The following EHHADH variants were observed in gnomAD, a reference collection of about 807,000 sequenced individuals.
EHHADH encodes enoyl-CoA hydratase and 3-hydroxyacyl CoA dehydrogenase, also known as peroxisomal bifunctional enzyme.
Under a neutral mutation model 64.4 loss-of-function variants are expected in EHHADH, and 48 were observed. The ratio of observed to expected loss-of-function variants is 0.75; its 90% CI spans 0.59 to 0.95. The LOEUF (loss-of-function observed/expected upper bound fraction) is 0.95, where lower values mean the gene tolerates loss of function less well. Among genes scored for constraint, EHHADH ranks in the 40% least tolerant of loss-of-function variants. EHHADH has a pLI of 0.00. For synonymous variants in EHHADH, 308 were observed against 326.7 expected, an observed-to-expected ratio of 0.94 and a Z score of 0.62; for missense variants, 854 against 876.6, an observed-to-expected ratio of 0.97 and a Z score of 0.33.
intron 5 of EHHADH, among the ~76,000 whole-genome samples, chr3:185,205,625 C>T (rs781444770): frequency 4.6e-5 from 7 of 152,040 alleles, no homozygotes; most frequent in East Asian, 1.9e-4. Flanking sequence ...AACAAAGAAT[C>T]GGAGCAACAT....
At chr3:185,243,334 T>C (rs1180791178) in intron 2 of EHHADH, among the ~76,000 whole-genome samples, 1 of 152,250 alleles carries the variant, frequency 6.6e-6, no homozygotes, top group Non-Finnish European at 1.5e-5. Flanking sequence ...AGCCTCTGCA[T>C]GCTGCTCTGT....
At position 185,220,063 on chromosome 3, in the gene EHHADH, T is replaced by G. The variant is rs549855468; in HGVS notation, c.464-1823A>C. On this transcript the variant is annotated intron_variant, in intron 4 of 6. Transcript: ENST00000231887. ...GAGAGAGTGAATCAGCCTACCCAGG[T>G]TAAGGGAACCAAGCAAACACAAAAT... Among the ~76,000 whole-genome samples, 5 of 152,186 alleles carry G rather than the reference T, an allele frequency of 3.3e-5. No individual in the cohort carries two copies. In the East Asian group the frequency reaches 9.7e-4, roughly 29 times the overall value.
At chr3:185,208,668 C>T (rs1718461487) in intron 5 of EHHADH, among the ~76,000 whole-genome samples, 1 of 150,044 alleles carries the variant, frequency 6.7e-6, no homozygotes, top group Non-Finnish European at 1.5e-5. Context: ...AATTTCACTC[C>T]CAGGAATCTA....
At chr3:185,194,265 G>T (rs1035746864) in intron 6 of EHHADH, among the ~76,000 whole-genome samples, 1 of 152,100 alleles carries the variant, frequency 6.6e-6, no homozygotes, top group South Asian at 2.1e-4. Context: ...GGAACCAGGA[G>T]TTTGAGACCA....
chr3:185,205,868 TTGGCTAAAGGGTC>T (rs1398273554), intron 5 of EHHADH, among the ~76,000 whole-genome samples: 3 of 151,874 alleles, frequency 2.0e-5, no homozygotes, highest in South Asian at 2.1e-4. Flanking sequence ...TGGCAAGGGT[TTGGCTAAAGGGTC>T]TGGCTAAAGG....
intron 2 of EHHADH, chr3:185,245,952 C>G: frequency 6.7e-7 from 1 of 1,488,064 alleles, no homozygotes. Flanking sequence ...CCTGCCCAAG[C>G]AGGGCCTGTC....
intron 2 of EHHADH, chr3:185,245,760 A>G (rs985193522): frequency 1.1e-5 from 8 of 710,870 alleles, no homozygotes; most frequent in African/African-American, 3.5e-5. Flanking sequence ...TGCTGACAAT[A>G]TAATAGTTTA....
intron 6 of EHHADH, among the ~76,000 whole-genome samples, chr3:185,199,833 T>C (rs957067303): frequency 3.9e-5 from 6 of 152,184 alleles, no homozygotes; most frequent in Admixed American, 3.9e-4. Flanking sequence ...GCAGCCTCTA[T>C]GCCCTGGGCT....
rs934381524 is a variant in EHHADH at position 185,206,677 on chromosome 3, A to C, written c.569-1920T>G. Among the ~76,000 whole-genome samples the C allele has an allele frequency of 3.3e-5, 5 of 151,900 alleles. No homozygotes were observed. The East Asian group carries it at 9.7e-4, about 29-fold the overall frequency. On this transcript the variant is annotated intron_variant, in intron 5 of 6. Transcript: ENST00000231887. ...ACCCCATCTCTACTAAAATACAAAA[A>C]ATTAGCTGGACATGGTGGTGTGCAC...
chr3:185,235,639 T>C (rs1719270896), intron 2 of EHHADH, among the ~76,000 whole-genome samples, 177 bp from the exon 3 acceptor site: 1 of 152,210 alleles, frequency 6.6e-6, no homozygotes, highest in Non-Finnish European at 1.5e-5. Flanking sequence ...ACTTCATCCT[T>C]GGCTGAAAAC....
chr3:185,201,471 G>T (rs1254663611), intron 6 of EHHADH, among the ~76,000 whole-genome samples: 1 of 152,210 alleles, frequency 6.6e-6, no homozygotes, highest in South Asian at 2.1e-4. Flanking sequence ...GAGTGTGGGA[G>T]AAGCGGCAGC....
Position 185,253,968 on chromosome 3 carries a change from G to C in EHHADH, c.55C>G (p.Pro19Ala). The C allele has an allele frequency of 6.2e-7, 1 of 1,614,040 alleles. No homozygotes were observed. The highest frequency in any genetic ancestry group is 8.5e-7 in the Non-Finnish European group (1 of 1,179,962). ...CGTTACCTGATCGCGTTGACCGGCGGGTTTCGGAGGCGGATTAGCGCCAAG... is the reference window on the plus strand; with the variant it reads ...CGTTACCTGATCGCGTTGACCGGCGCGTTTCGGAGGCGGATTAGCGCCAAG... Reference protein sequence around the residue: ...NALALIRLRNPPVNAISTTLL... With the variant: ...NALALIRLRNAPVNAISTTLL... Residue 19 changes from proline to alanine, a missense_variant, in exon 1 of 7, where the codon CCG (proline) becomes GCG (alanine). Coordinates refer to ENST00000231887, the MANE Select transcript of EHHADH (RefSeq NM_001966.4).
At position 185,193,440 on chromosome 3, in the gene EHHADH, T is replaced by C. The variant is rs377355560; in HGVS notation, c.958A>G (p.Arg320Gly). 5 of 1,614,094 alleles carry C rather than the reference T, an allele frequency of 3.1e-6. No individual in the cohort carries two copies. The African/African-American group carries it at 4.0e-5, about 13-fold the overall frequency. The change falls in exon 7 of 7, where the codon AGG becomes GGG. Residue 320 changes from arginine to glycine, a missense_variant. Transcript: ENST00000231887. ...GAGTCTACAGCAATCACAGGAATCC[T>C]GGCCCTTGCAAAAGAAATGACAATG... ...RGIVISFARA[R>G]IPVIAVDSDK...
intron 6 of EHHADH, among the ~76,000 whole-genome samples, chr3:185,196,382 C>T (rs953212115): frequency 2.0e-5 from 3 of 151,996 alleles, no homozygotes; most frequent in Non-Finnish European, 4.4e-5. Flanking sequence ...GAATATTATT[C>T]GGCCATAAAA....
intron 4 of EHHADH, among the ~76,000 whole-genome samples, chr3:185,218,681 A>G (rs1398844360): frequency 6.6e-6 from 1 of 152,040 alleles, no homozygotes; most frequent in Non-Finnish European, 1.5e-5. Context: ...AGAGTAATAT[A>G]TAGTATCTAC....
At chr3:185,195,686 A>C (rs1273345669) in intron 6 of EHHADH, among the ~76,000 whole-genome samples, 2 of 152,166 alleles carry the variant, frequency 1.3e-5, no homozygotes, top group Admixed American at 1.3e-4. Context: ...ACAGAAAACC[A>C]AATACTGCAT....
chr3:185,193,046 G>A lies in EHHADH; in HGVS notation c.1352C>T (p.Ser451Phe). The change falls in exon 7 of 7, where the codon TCT (serine) becomes TTT (phenylalanine). Residue 451 changes from serine to phenylalanine, a missense_variant. By Grantham distance (155) the Ser-to-Phe change is radical (BLOSUM62 -2). Coordinates refer to ENST00000231887, the MANE Select transcript of EHHADH (RefSeq NM_001966.4). ...KLLEVIPSQY[S>F]SPTTIATVMN... ...AACAGTGGCAATGGTAGTGGGGGAAGAGTATTGGCTGGGAATAACCTCTAA... is the reference window on the plus strand; with the variant it reads ...AACAGTGGCAATGGTAGTGGGGGAAAAGTATTGGCTGGGAATAACCTCTAA... 6 of 1,614,230 alleles carry A rather than the reference G, an allele frequency of 3.7e-6. No individual in the cohort carries two copies. The highest frequency in any genetic ancestry group is 5.1e-6 in the Non-Finnish European group (6 of 1,180,044).
At chr3:185,219,872 A>AT (rs946081301) in intron 4 of EHHADH, among the ~76,000 whole-genome samples, 14 of 151,598 alleles carry the variant, frequency 9.2e-5, no homozygotes, top group Admixed American at 2.6e-4. Flanking sequence ...AAGTTCAGTG[A>AT]TTTTTTTTTG....
intron 1 of EHHADH, among the ~76,000 whole-genome samples, chr3:185,249,740 C>T (rs1306288935): frequency 6.6e-6 from 1 of 151,716 alleles, no homozygotes; most frequent in East Asian, 1.9e-4. Flanking sequence ...TACCCAGTCT[C>T]GGATATGTCT....
Sources: gnomAD v4.1 joint callset for allele counts (sites outside exome capture counted in the v4.1 genomes callset) on GRCh38, gnomAD v4.1.1 for gene constraint, MANE v1.5 for transcripts, NCBI Gene and HGNC (gene_info 2026-07-23, HGNC 2026-07-21) for gene names.